The following ADGRL3 variants were observed in gnomAD, a reference collection of about 807,000 sequenced individuals.
ADGRL3 encodes adhesion G protein-coupled receptor L3, also known as calcium-independent alpha-latrotoxin receptor 3.
ADGRL3 carries 62 observed loss-of-function variants against 153.5 expected under a neutral mutation model. That is an observed-to-expected ratio of 0.40 (90% CI 0.33 to 0.50). The LOEUF (loss-of-function observed/expected upper bound fraction) is 0.50, where lower values mean the gene tolerates loss of function less well. Ranked by LOEUF, ADGRL3 falls within the 20% of genes least tolerant of loss-of-function variation. The pLI, the probability that ADGRL3 is intolerant of heterozygous loss-of-function variation, is 0.47. For missense variants in ADGRL3, 1,641 were observed against 1,859.4 expected (o/e 0.88, Z 2.16); for synonymous variants, 710 against 672.5 (o/e 1.06, Z -0.86).
At chr4:61,759,575 AT>A (rs1204029808) in intron 8 of ADGRL3, among the ~76,000 whole-genome samples, 1 of 151,592 alleles carries the variant, frequency 6.6e-6, no homozygotes, top group African/African-American at 2.4e-5. Flanking sequence ...CATTCGTCTA[AT>A]TTTTTTTCAA....
At chr4:61,662,371 C>G (rs1168891199) in intron 5 of ADGRL3, among the ~76,000 whole-genome samples, 4 of 152,250 alleles carry the variant, frequency 2.6e-5, no homozygotes, top group African/African-American at 9.6e-5. Flanking sequence ...GTGTTCCCAC[C>G]ACCCTGGCCT....
chr4:61,900,826 T>A (rs1179694967), intron 11 of ADGRL3, among the ~76,000 whole-genome samples: 1 of 152,188 alleles, frequency 6.6e-6, no homozygotes, highest in Non-Finnish European at 1.5e-5. Flanking sequence ...TCCAAATTAA[T>A]GTTCTTAAAA....
At chr4:61,436,890 C>CA (rs74715349) in intron 2 of ADGRL3, among the ~76,000 whole-genome samples, 25,594 of 142,916 alleles carry the variant, frequency 0.18, 2,306 homozygotes, top group Middle Eastern at 0.28. Flanking sequence ...TACTTGATAT[C>CA]AAAAAAAAGG....
At chr4:61,918,444 T>A (rs1020427647) in intron 13 of ADGRL3, among the ~76,000 whole-genome samples, 1 of 152,206 alleles carries the variant, frequency 6.6e-6, no homozygotes, top group Non-Finnish European at 1.5e-5. Flanking sequence ...AGTGTTTTAC[T>A]TAGAGTGGCA....
intron 2 of ADGRL3, among the ~76,000 whole-genome samples, chr4:61,387,855 C>G (rs1299518431): frequency 1.3e-5 from 2 of 152,140 alleles, no homozygotes; most frequent in Admixed American, 1.3e-4. Context: ...CATAGGAAAT[C>G]ACAAGGGTAT....
chr4:61,709,498 A>G (rs1332385949), intron 6 of ADGRL3, among the ~76,000 whole-genome samples: 2 of 152,182 alleles, frequency 1.3e-5, no homozygotes, highest in African/African-American at 2.4e-5. Flanking sequence ...CAGGCTTTTT[A>G]TAAGCATCAC....
At chr4:61,261,189 C>CT (rs56862136) in intron 1 of ADGRL3, among the ~76,000 whole-genome samples, 25 of 118,238 alleles carry the variant, frequency 2.1e-4, no homozygotes, top group Non-Finnish European at 3.6e-4. Flanking sequence ...TCATCTTCTT[C>CT]TTTTTTTTTT....
chr4:61,495,646 G>GT (rs2098307300), intron 2 of ADGRL3, among the ~76,000 whole-genome samples: 1 of 152,050 alleles, frequency 6.6e-6, no homozygotes. Flanking sequence ...TAGTATTTTG[G>GT]TTTCCTAAGA....
intron 3 of ADGRL3, among the ~76,000 whole-genome samples, chr4:61,510,663 C>G (rs1239175754): frequency 6.6e-6 from 1 of 152,072 alleles, no homozygotes; most frequent in East Asian, 1.9e-4. Context: ...TCATTGTAGC[C>G]TTATAAGATA....
chr4:61,830,077 A>G (rs1184600655), intron 9 of ADGRL3, among the ~76,000 whole-genome samples: 2 of 151,728 alleles, frequency 1.3e-5, no homozygotes, highest in South Asian at 4.2e-4. Flanking sequence ...TGGCACCATC[A>G]TGGCTCACTG....
chr4:61,837,480 A>G (rs185345816), intron 9 of ADGRL3, among the ~76,000 whole-genome samples: 7 of 152,192 alleles, frequency 4.6e-5, no homozygotes, highest in Admixed American at 4.6e-4. Flanking sequence ...GAGAACGGGA[A>G]GATGTTAGGA....
intron 18 of ADGRL3, among the ~76,000 whole-genome samples, chr4:61,981,053 C>G (rs899306353): frequency 6.6e-6 from 1 of 152,136 alleles, no homozygotes; most frequent in Non-Finnish European, 1.5e-5. Flanking sequence ...AAGAAACTGA[C>G]AAATTGTCTT....
chr4:61,666,922 C>CTATT lies in ADGRL3; in HGVS notation c.474-9903_474-9900dup, dbSNP rs138841518. Among the ~76,000 whole-genome samples, 921 of 152,170 alleles carry CTATT rather than the reference C, an allele frequency of 6.1e-3. 7 individuals carry two copies. The highest frequency in any genetic ancestry group is 0.021 in the African/African-American group (878 of 41,548). On this transcript the variant is annotated intron_variant, in intron 5 of 26. Transcript: ENST00000683033. ...GAAAATCTTTTACCATTTTATCTGC[C>CTATT]TATTGATAAAGCATTTAACTAGTGA...
intron 2 of ADGRL3, among the ~76,000 whole-genome samples, chr4:61,474,332 A>T (rs2098014543): frequency 6.6e-6 from 1 of 152,262 alleles, no homozygotes; most frequent in Non-Finnish European, 1.5e-5. Context: ...TGAAAAAATC[A>T]ATTTGACTGT....
At chr4:61,847,620 T>A (rs1205834260) in intron 9 of ADGRL3, among the ~76,000 whole-genome samples, 4 of 56,342 alleles carry the variant, frequency 7.1e-5, no homozygotes, top group African/African-American at 1.9e-4. Flanking sequence ...ATTATATATA[T>A]AATATAAAAT....
chr4:61,222,788 C>T lies in ADGRL3; in HGVS notation c.-240+21023C>T, dbSNP rs546403641. ...CCTCTTGAAACAATACCAACAACAT[C>T]ACTTTCCCATAATAATAAAGTTTGA... is the stretch of plus-strand genomic sequence containing the variant. On this transcript the variant is annotated intron_variant, in intron 1 of 26. Coordinates refer to ENST00000683033, the MANE Select transcript of ADGRL3 (RefSeq NM_001387552.1). 2.0e-5 allele frequency among the ~76,000 whole-genome samples: 3 copies of T among 152,152 alleles called. No homozygotes were observed. In the East Asian group the frequency reaches 5.8e-4, roughly 29 times the overall value.
At chr4:61,905,633 G>A (rs181123935) in intron 11 of ADGRL3, among the ~76,000 whole-genome samples, 9 of 152,126 alleles carry the variant, frequency 5.9e-5, no homozygotes, top group African/African-American at 9.6e-5. Flanking sequence ...AGTAGTTCAC[G>A]CCTATGATCT....
intron 8 of ADGRL3, among the ~76,000 whole-genome samples, chr4:61,764,793 C>T (rs2096956160): frequency 6.6e-6 from 1 of 151,692 alleles, no homozygotes. Flanking sequence ...AGAGAATGGT[C>T]GATGTTTCTC....
At chr4:61,322,530 A>G (rs2095380271) in intron 1 of ADGRL3, among the ~76,000 whole-genome samples, 1 of 152,354 alleles carries the variant, frequency 6.6e-6, no homozygotes, top group Middle Eastern at 3.4e-3. Context: ...CCTAGATGCA[A>G]TGGGAATACA....
Sources: gnomAD v4.1 joint callset for allele counts (sites outside exome capture counted in the v4.1 genomes callset) on GRCh38, gnomAD v4.1.1 for gene constraint, MANE v1.5 for transcripts, NCBI Gene and HGNC (gene_info 2026-07-23, HGNC 2026-07-21) for gene names.